PTPRD: variants seen among roughly 807,000 people sequenced by gnomAD.
The protein encoded by PTPRD is protein tyrosine phosphatase receptor type D, also known as receptor-type tyrosine-protein phosphatase delta.
In PTPRD, 34 loss-of-function variants were observed where a neutral mutation model predicts 214.5. The ratio of observed to expected loss-of-function variants is 0.16; its 90% confidence interval spans 0.12 to 0.21. The LOEUF is 0.21. PTPRD is among the 10% of genes least tolerant of loss of function. The pLI is 1.00. For missense variants in PTPRD, 2,545 were observed against 2,398.7 expected (o/e 1.06, Z -1.27); for synonymous variants, 1,128 against 845.7 (o/e 1.33, Z -5.79).
At chr9:8,555,416 G>T (rs1004352654) in intron 14 of PTPRD, among the ~76,000 whole-genome samples, 1 of 152,150 alleles carries the variant, frequency 6.6e-6, no homozygotes, top group African/African-American at 2.4e-5. Context: ...GACTAAAAGG[G>T]AGTAAAAGCA....
At chr9:9,358,569 C>A (rs936239476) in intron 9 of PTPRD, among the ~76,000 whole-genome samples, 1 of 151,158 alleles carries the variant, frequency 6.6e-6, no homozygotes, top group Non-Finnish European at 1.5e-5. Flanking sequence ...AAGTTGCAAT[C>A]CTGAGTATGT....
At chr9:8,967,164 T>C (rs180992564) in intron 11 of PTPRD, among the ~76,000 whole-genome samples, 2 of 150,990 alleles carry the variant, frequency 1.3e-5, no homozygotes, top group Non-Finnish European at 3.0e-5. Flanking sequence ...TTGGTGAGGT[T>C]GTGGAAAAAA....
chr9:8,859,731 CT>C (rs1351313649), intron 11 of PTPRD, among the ~76,000 whole-genome samples: 1 of 151,252 alleles, frequency 6.6e-6, no homozygotes, highest in Non-Finnish European at 1.5e-5. Flanking sequence ...CCTCTGCCCC[CT>C]ATGTACTCCA....
intron 11 of PTPRD, among the ~76,000 whole-genome samples, chr9:8,841,467 G>C (rs1327888974): frequency 6.6e-6 from 1 of 152,090 alleles, no homozygotes; most frequent in Non-Finnish European, 1.5e-5. Context: ...TGGGGGAAGA[G>C]TGGACACAGT....
At chr9:10,523,601 G>GTATATATATATATATA (rs201455705) in intron 2 of PTPRD, among the ~76,000 whole-genome samples, 3,171 of 64,112 alleles carry the variant, frequency 0.049, 295 homozygotes, top group Admixed American at 0.056. Context: ...ATATTTATCT[G>GTATATATATATATATA]TATATATATA....
At chr9:8,402,125 A>G (rs531637841) in intron 36 of PTPRD, among the ~76,000 whole-genome samples, 1 of 152,270 alleles carries the variant, frequency 6.6e-6, no homozygotes. Flanking sequence ...AATGCTGTTC[A>G]CGGTTGTAAT....
chr9:9,088,904 A>T (rs1316594098), intron 10 of PTPRD, among the ~76,000 whole-genome samples: 1 of 152,208 alleles, frequency 6.6e-6, no homozygotes, highest in African/African-American at 2.4e-5. Flanking sequence ...AGGTAATTAT[A>T]GATTTTCTGT....
intron 6 of PTPRD, among the ~76,000 whole-genome samples, chr9:9,753,501 T>G (rs2098541642): frequency 6.6e-6 from 1 of 152,024 alleles, no homozygotes; most frequent in African/African-American, 2.4e-5. Context: ...CTTTGTTTAT[T>G]TTTTACCATT....
intron 4 of PTPRD, among the ~76,000 whole-genome samples, chr9:10,006,569 A>T (rs958370130): frequency 6.6e-6 from 1 of 152,014 alleles, no homozygotes; most frequent in Non-Finnish European, 1.5e-5. Flanking sequence ...GAGAATATGC[A>T]TGAATATAAT....
chr9:10,086,901 GAATT>G (rs766675718), intron 3 of PTPRD, among the ~76,000 whole-genome samples: 36 of 151,792 alleles, frequency 2.4e-4, no homozygotes, highest in Non-Finnish European at 4.9e-4. Context: ...ACAATTTAAT[GAATT>G]AATACACATA....
intron 35 of PTPRD, among the ~76,000 whole-genome samples, chr9:8,406,677 G>C (rs945072191): frequency 2.6e-5 from 4 of 152,192 alleles, no homozygotes; most frequent in South Asian, 4.1e-4. Flanking sequence ...AGTTCATAAA[G>C]AGAAATCATA....
At chr9:10,057,566 G>A (rs1179937635) in intron 3 of PTPRD, among the ~76,000 whole-genome samples, 3 of 149,818 alleles carry the variant, frequency 2.0e-5, no homozygotes, top group South Asian at 4.2e-4. Context: ...AGATTAAAAG[G>A]TAAGTAGTGT....
At chr9:9,310,902 G>C (rs1018392051) in intron 9 of PTPRD, among the ~76,000 whole-genome samples, 2 of 149,516 alleles carry the variant, frequency 1.3e-5, no homozygotes, top group Non-Finnish European at 3.0e-5. Context: ...TGGGCAACAA[G>C]AGCAAAGCTG....
chr9:10,118,105 A>T (rs2154244280), intron 3 of PTPRD, among the ~76,000 whole-genome samples: 1 of 152,104 alleles, frequency 6.6e-6, no homozygotes, highest in Admixed American at 6.6e-5. Context: ...TAGTAAAGTC[A>T]TCTACCTGTG....
chr9:9,498,967 C>G (rs1326486881), intron 8 of PTPRD, among the ~76,000 whole-genome samples: 1 of 152,000 alleles, frequency 6.6e-6, no homozygotes, highest in Non-Finnish European at 1.5e-5. Context: ...CTCCCTCTCT[C>G]ACTTGCTCTT....
At chr9:9,839,641 A>G (rs1188446495) in intron 5 of PTPRD, among the ~76,000 whole-genome samples, 1 of 152,096 alleles carries the variant, frequency 6.6e-6, no homozygotes, top group African/African-American at 2.4e-5. Context: ...GGTAATTTAC[A>G]GATTCAATGC....
In PTPRD at chr9:8,784,498, A is replaced by C. The variant is rs748336795; in HGVS notation, c.-103-50552T>G. ...ATCCTGGCATAGAGAAGCCACCCAG[A>C]GAACCTGAAAGACAAGGCTACATAA... On this transcript the variant is annotated intron_variant, in intron 11 of 45. Coordinates refer to ENST00000381196, the MANE Select transcript of PTPRD (RefSeq NM_002839.4). Among the ~76,000 whole-genome samples, 21 of 152,268 alleles carry C rather than the reference A, an allele frequency of 1.4e-4. 1 individual carries two copies. Among genetic ancestry groups the C allele is most frequent in the Non-Finnish European group, 4.4e-5 (3 of 68,042 alleles).
chr9:8,461,808 C>G (rs1368200673), intron 32 of PTPRD, among the ~76,000 whole-genome samples: 1 of 151,796 alleles, frequency 6.6e-6, no homozygotes, highest in Non-Finnish European at 1.5e-5. Context: ...GACAAACATT[C>G]TTTTTTTAAA....
intron 3 of PTPRD, among the ~76,000 whole-genome samples, chr9:10,323,259 TCTCCCCTCCCCTCCCCTCCCCTCTC>T (rs2096586098): frequency 1.2e-4 from 2 of 16,278 alleles, no homozygotes; most frequent in Non-Finnish European, 2.1e-4. Flanking sequence ...CCTTCCCTTC[TCTCCCCTCCCCTCCCCTCCCCTCTC>T]CTCCCCTCCC....
Sources: allele counts gnomAD v4.1 joint callset (sites outside exome capture counted in the v4.1 genomes callset), GRCh38; gene constraint gnomAD v4.1.1; transcripts MANE v1.5; gene names NCBI Gene and HGNC (gene_info 2026-07-23, HGNC 2026-07-21).